The following HIVEP1 variants were observed in gnomAD, a reference collection of about 807,000 sequenced individuals.
HIVEP1 encodes HIVEP zinc finger 1.
Under a neutral mutation model 180.0 loss-of-function variants are expected in HIVEP1, and 36 were observed. That is an observed-to-expected ratio of 0.20 (90% confidence interval 0.15 to 0.26). The LOEUF is 0.26. Ranked by LOEUF, HIVEP1 falls within the 10% of genes least tolerant of loss-of-function variation. The probability of loss-of-function intolerance (pLI) is 1.00; values close to 1 mark genes in which losing one functional copy is unlikely to be tolerated. For missense variants in HIVEP1, 3,143 were observed against 3,268.7 expected (o/e 0.96, Z 0.94); for synonymous variants, 1,239 against 1,239.0 (o/e 1.00, Z 0.00).
upstream of HIVEP1, among the ~76,000 whole-genome samples, chr6:12,010,620 T>C (rs115416426): frequency 6.6e-6 from 1 of 150,804 alleles, no homozygotes; most frequent in Non-Finnish European, 1.5e-5. Flanking sequence ...TTTTTTTTTT[T>C]GCATCAATTT....
At chr6:12,109,092 G>A (rs957818405) in intron 3 of HIVEP1, among the ~76,000 whole-genome samples, 2 of 152,180 alleles carry the variant, frequency 1.3e-5, no homozygotes, top group Middle Eastern at 3.2e-3. Flanking sequence ...CCATTCTCCT[G>A]CCTCAGCCTC....
chr6:12,107,176 T>C (rs2113429357), intron 3 of HIVEP1, among the ~76,000 whole-genome samples: 1 of 152,342 alleles, frequency 6.6e-6, no homozygotes, highest in Admixed American at 6.5e-5. Flanking sequence ...GTAAAGCAAA[T>C]ACTGCAATAA....
chr6:12,065,700 T>C (rs1213376173), intron 2 of HIVEP1, among the ~76,000 whole-genome samples: 3 of 151,438 alleles, frequency 2.0e-5, no homozygotes, highest in Non-Finnish European at 3.0e-5. Context: ...TGCGTGTGTG[T>C]GTGTGTGTGT....
At chr6:12,109,375 T>C (rs1774736447) in intron 3 of HIVEP1, among the ~76,000 whole-genome samples, 1 of 152,240 alleles carries the variant, frequency 6.6e-6, no homozygotes, top group Non-Finnish European at 1.5e-5. Flanking sequence ...TGGTGTTTGA[T>C]AGCATTTCAC....
chr6:12,124,888 C>G lies in HIVEP1; in HGVS notation c.5093C>G (p.Pro1698Arg). ...CAAAAAGGTCATCAGAATGCTTTGC[C>G]AAACCCAGAGAAGGAATTTCTATGT... ...TLQKGHQNAL[P>R]NPEKEFLCEN... The change falls in exon 4 of 9, where the codon CCA (proline) becomes CGA (arginine). Residue 1698 changes from proline to arginine, a missense_variant. Physicochemically the swap from Pro to Arg is moderately radical, Grantham distance 103 (BLOSUM62 -2). Transcript: ENST00000379388. 6.2e-7 allele frequency: 1 copy of G among 1,614,116 alleles called. No homozygotes were observed. Among genetic ancestry groups the G allele is most frequent in the Non-Finnish European group, 8.5e-7 (1 of 1,180,002 alleles).
Position 12,163,540 on chromosome 6 carries a change from A to G in HIVEP1, c.7236A>G (p.Thr2412=), listed in dbSNP as rs566530570. 3.7e-6 allele frequency: 6 copies of G among 1,614,188 alleles called. No individual in the cohort carries two copies. In the East Asian group the frequency reaches 1.1e-4, roughly 30 times the overall value. The change falls in exon 9 of 9, where the codon ACA becomes ACG. Residue 2412 remains threonine (T), a synonymous_variant. Coordinates refer to ENST00000379388, the MANE Select transcript of HIVEP1 (RefSeq NM_002114.4). The part of the protein sequence containing the change: ...GGIHVVPAGL[T]YSTFVPLQAG... Reference sequence around the variant, plus strand: ...TCCATGTGGTACCTGCTGGCCTCACATACTCCACGTTTGTGCCCCTTCAGG... The same window carrying G: ...TCCATGTGGTACCTGCTGGCCTCACGTACTCCACGTTTGTGCCCCTTCAGG...
intron 7 of HIVEP1, among the ~76,000 whole-genome samples, chr6:12,145,838 T>C (rs757159560): frequency 6.6e-6 from 1 of 152,138 alleles, no homozygotes; most frequent in Non-Finnish European, 1.5e-5. Flanking sequence ...TATCTTCAGC[T>C]CCTTAGGATT....
chr6:12,161,658 A>G lies in HIVEP1; in HGVS notation c.6707A>G (p.Asp2236Gly), dbSNP rs1760407840. ...ACTGACGAGGATGTCAGGATCACCGATTGCTTTTCTGGGGTACACACGGAC... is the reference window on the plus strand; with the variant it reads ...ACTGACGAGGATGTCAGGATCACCGGTTGCTTTTCTGGGGTACACACGGAC... ...VSTDEDVRIT[D>G]CFSGVHTDPM... Residue 2236 changes from aspartate to glycine, a missense_variant, in exon 8 of 9, where the codon GAT becomes GGT. Transcript: ENST00000379388. 6.2e-7 allele frequency: 1 copy of G among 1,613,996 alleles called. No individual in the cohort carries two copies. Among genetic ancestry groups the G allele is most frequent in the African/African-American group, 1.3e-5 (1 of 74,894 alleles).
At position 12,120,517 on chromosome 6, in the gene HIVEP1, T is replaced by G; in HGVS notation, c.722T>G (p.Met241Arg). ...CCTCCCAAATTAAAAAACAGTTCAA[T>G]GGATGCCCCAAATCAGACTTCACAG... Reference protein sequence around the residue: ...RSPPKLKNSSMDAPNQTSQEL... With the variant: ...RSPPKLKNSSRDAPNQTSQEL... The change falls in exon 4 of 9, where the codon ATG becomes AGG. Residue 241 changes from methionine (M) to arginine (R), a missense_variant. Met to Arg is a moderately conservative substitution (Grantham distance 91). This residue lies in a region of HIVEP1 where 306 missense variants were observed against 310.6 expected (regional missense o/e 0.99). Coordinates refer to ENST00000379388, the MANE Select transcript of HIVEP1 (RefSeq NM_002114.4). The G allele has an allele frequency of 6.2e-7, 1 of 1,614,216 alleles. No individual in the cohort carries two copies. The highest frequency in any genetic ancestry group is 8.5e-7 in the Non-Finnish European group (1 of 1,180,038).
chr6:12,029,519 CCTT>C (rs1170563453), intron 2 of HIVEP1, among the ~76,000 whole-genome samples: 1 of 151,690 alleles, frequency 6.6e-6, no homozygotes, highest in East Asian at 1.9e-4. Context: ...TCCTTAATTG[CCTT>C]CTTTTGTGTT....
At chr6:12,134,378 C>T (rs1049959696) in intron 6 of HIVEP1, among the ~76,000 whole-genome samples, 4 of 152,164 alleles carry the variant, frequency 2.6e-5, no homozygotes, top group African/African-American at 9.7e-5. Context: ...AAGTACTAAG[C>T]TCTGGGGTCC....
the HIVEP1 span, among the ~76,000 whole-genome samples, chr6:12,202,640 A>G: frequency 2.0e-5 from 3 of 152,112 alleles, no homozygotes; most frequent in African/African-American, 7.2e-5. Flanking sequence ...TGACAGATAA[A>G]TGTTGGTTGG....
chr6:12,036,832 C>T (rs1052264778), intron 2 of HIVEP1, among the ~76,000 whole-genome samples: 11 of 152,174 alleles, frequency 7.2e-5, no homozygotes, highest in Non-Finnish European at 1.0e-4. Flanking sequence ...TGCTTGAACC[C>T]GGGAGGCGGA....
rs765430142 is a variant in HIVEP1, at chr6:12,163,423, GC to G, written c.7121del (p.Pro2374LeufsTer87). On this transcript the variant is annotated frameshift_variant, in exon 9 of 9. Coordinates refer to ENST00000379388, the MANE Select transcript of HIVEP1 (RefSeq NM_002114.4). LOFTEE classifies it low-confidence loss of function (END_TRUNC). ...QITLQPTPGL[P>X]SPHTHLFSHL... ...TAACTCTACAGCCGACTCCAGGCTT[GC>G]CTTCTCCCCACACTCATTTGTTTAG... 1 of 1,614,148 alleles carries G rather than the reference GC, an allele frequency of 6.2e-7. No homozygotes were observed.
At chr6:12,129,721 A>G in intron 4 of HIVEP1, 38 bp from the exon 5 acceptor site, 1 of 1,517,200 alleles carries the variant, frequency 6.6e-7, no homozygotes, top group Admixed American at 1.7e-5. Context: ...TTGTGTTTTC[A>G]GTTTTATTAA....
At chr6:12,064,383 A>G (rs1200014294) in intron 2 of HIVEP1, among the ~76,000 whole-genome samples, 5 of 152,198 alleles carry the variant, frequency 3.3e-5, no homozygotes, top group South Asian at 4.1e-4. Flanking sequence ...AGCTATTTCA[A>G]TAAGGTCATC....
intron 2 of HIVEP1, among the ~76,000 whole-genome samples, chr6:12,050,385 A>T (rs1770421072): frequency 6.6e-6 from 1 of 152,182 alleles, no homozygotes; most frequent in Non-Finnish European, 1.5e-5. Context: ...GGAGATCGAG[A>T]CCATCCTGGC....
chr6:12,011,899 G>T (rs964550923), upstream of HIVEP1: 1 of 132,844 alleles, frequency 7.5e-6, no homozygotes, highest in Non-Finnish European at 1.6e-5. Flanking sequence ...GCCGCCCGCG[G>T]CCTCCCCTCC....
chr6:12,020,890 C>CTTTCTTTCT (rs536583043), intron 2 of HIVEP1, among the ~76,000 whole-genome samples: 1 of 105,778 alleles, frequency 9.5e-6, no homozygotes, highest in Admixed American at 1.2e-4. Context: ...TTCTTTCTTT[C>CTTTCTTTCT]TTTTTTTTTT....
Sources: gnomAD v4.1 joint callset for allele counts (sites outside exome capture counted in the v4.1 genomes callset) on GRCh38, gnomAD v4.1.1 for gene constraint, gnomAD v4.1.1 regional missense constraint, MANE v1.5 for transcripts, NCBI Gene and HGNC (gene_info 2026-07-23, HGNC 2026-07-21) for gene names.